Variants in CFAP47 observed in about 807,000 individuals in gnomAD.
The protein encoded by CFAP47 is cilia- and flagella-associated protein 47.
In CFAP47, 29 loss-of-function variants were observed where a neutral mutation model predicts 148.1. The ratio of observed to expected loss-of-function variants is 0.20; its 90% confidence interval spans 0.15 to 0.27. The LOEUF is 0.27. CFAP47 is among the 10% of genes least tolerant of loss of function. CFAP47 has a pLI of 1.00. For missense variants in CFAP47, 1,872 were observed against 1,697.5 expected (o/e 1.10, Z -1.81); for synonymous variants, 664 against 577.3 (o/e 1.15, Z -2.15).
chrX:36,089,674 C>T (rs1265488368), intron 30 of CFAP47, among the ~76,000 whole-genome samples: 2 of 111,336 alleles, frequency 1.8e-5, no homozygotes, highest in African/African-American at 6.5e-5. Flanking sequence ...GGTGATAATT[C>T]CATAACTAAC....
At chrX:36,197,728 G>A (rs1319252728) in intron 42 of CFAP47, among the ~76,000 whole-genome samples, 1 of 111,681 alleles carries the variant, frequency 9.0e-6, no homozygotes, top group East Asian at 2.8e-4. Flanking sequence ...AGTATTTATT[G>A]CCAGGAGTGT....
At chrX:36,147,782 C>T (rs1939256086) in intron 36 of CFAP47, among the ~76,000 whole-genome samples, 1 of 112,507 alleles carries the variant, frequency 8.9e-6, no homozygotes, top group African/African-American at 3.2e-5. Context: ...AGATTTTCAT[C>T]ATATTCCTTA....
chrX:36,016,373 T>C (rs751647885), intron 22 of CFAP47, among the ~76,000 whole-genome samples: 23 of 110,823 alleles, frequency 2.1e-4, no homozygotes, highest in Non-Finnish European at 3.4e-4. Flanking sequence ...TCATTTTCAT[T>C]TGTAGATCCC....
intron 45 of CFAP47, among the ~76,000 whole-genome samples, chrX:36,228,194 C>T (rs781787869): frequency 4.5e-5 from 5 of 111,578 alleles, no homozygotes; most frequent in Non-Finnish European, 9.4e-5. Flanking sequence ...CCTTCTATCT[C>T]AGCCCCCTTT....
At chrX:36,286,926 A>C (rs1297078473) in intron 51 of CFAP47, among the ~76,000 whole-genome samples, 2 of 111,457 alleles carry the variant, frequency 1.8e-5, no homozygotes, top group African/African-American at 6.5e-5. Flanking sequence ...GTGGTGTATA[A>C]AGTGCCTTTT....
At chrX:36,371,690 ATATACACACATGTGTATATATGTGTG>A (rs1556021538) in intron 62 of CFAP47, among the ~76,000 whole-genome samples, 3 of 73,817 alleles carry the variant, frequency 4.1e-5, no homozygotes, top group African/African-American at 1.8e-4. Flanking sequence ...ATATGTGTGT[ATATACACACATGTGTATATATGTGTG>A]TATATACACA....
intron 46 of CFAP47, among the ~76,000 whole-genome samples, chrX:36,235,405 C>T (rs782536090): frequency 7.8e-4 from 88 of 112,407 alleles, no homozygotes; most frequent in African/African-American, 2.4e-3. Flanking sequence ...ACTCCGTGGG[C>T]GTAGGACCCT....
Position 36,014,786 on chromosome X carries a change from G to T in CFAP47, c.3430G>T (p.Glu1144Ter). 1 of 294,247 alleles carries T rather than the reference G, an allele frequency of 3.4e-6. No homozygotes were observed. The highest frequency in any genetic ancestry group is 2.0e-4 in the South Asian group (1 of 4,975). 24.2% of individuals were successfully genotyped at this position (294,247 alleles called of 1,213,427 possible). Reference protein sequence around the residue: ...TFSPKEVTVVEFIIQVQINFF... With the variant: ...TFSPKEVTVV ...TTTTTTGTATCAGGTGACAGTAGTT[G>T]AATTCATCATTCAAGTTCAGATTAA... Residue 1144 changes from glutamate (E) to a stop codon, truncating the protein, a stop_gained, in exon 22 of 64, where the codon GAA (glutamate) becomes TAA (stop). Transcript: ENST00000378653. LOFTEE classifies it high-confidence loss of function.
At chrX:36,312,914 T>A (rs187370013) in intron 56 of CFAP47, among the ~76,000 whole-genome samples, 3 of 111,203 alleles carry the variant, frequency 2.7e-5, no homozygotes, top group Non-Finnish European at 1.9e-5. Context: ...TTTCTCTGTC[T>A]CCCTATCCTA....
At chrX:36,156,279 C>T (rs1241399189) in intron 37 of CFAP47, among the ~76,000 whole-genome samples, 1 of 110,212 alleles carries the variant, frequency 9.1e-6, no homozygotes, top group East Asian at 2.8e-4. Context: ...TTATGTGTGC[C>T]ACATTCTTTG....
At chrX:35,938,266 T>A (rs866974644) in intron 2 of CFAP47, among the ~76,000 whole-genome samples, 58 of 111,166 alleles carry the variant, frequency 5.2e-4, no homozygotes, top group African/African-American at 1.9e-3. Context: ...TTTTTATGCT[T>A]AGAAGTTTTT....
In CFAP47 at chrX:36,093,957, C is replaced by T. The variant is rs1045966959; in HGVS notation, c.4917-4836C>T. 6.3e-5 allele frequency among the ~76,000 whole-genome samples: 7 copies of T among 111,528 alleles called. No homozygotes were observed. In the East Asian group the frequency reaches 1.1e-3, roughly 18 times the overall value. On this transcript the variant is annotated intron_variant, in intron 30 of 63. Transcript: ENST00000378653. ...AAGAAATCTTTGCCCAGACCTGTATCGTTCAGAGTTTCTTTGAAGTTTTCT... is the reference window on the plus strand; with the variant it reads ...AAGAAATCTTTGCCCAGACCTGTATTGTTCAGAGTTTCTTTGAAGTTTTCT...
chrX:36,293,144 T>C (rs1556005849), intron 51 of CFAP47, among the ~76,000 whole-genome samples: 1 of 111,169 alleles, frequency 9.0e-6, no homozygotes, highest in East Asian at 2.8e-4. Flanking sequence ...ACCATTCTAG[T>C]GGAGTTAGAA....
At chrX:35,973,188 T>A (rs1601910168) in intron 13 of CFAP47, among the ~76,000 whole-genome samples, 1 of 111,308 alleles carries the variant, frequency 9.0e-6, no homozygotes, top group East Asian at 2.8e-4. Flanking sequence ...TTTACCCATT[T>A]ATTTATTTAT....
intron 18 of CFAP47, among the ~76,000 whole-genome samples, chrX:35,995,132 G>A (rs1180923497): frequency 1.4e-4 from 15 of 111,043 alleles, no homozygotes; most frequent in Non-Finnish European, 2.6e-4. Context: ...GGATGGAAGC[G>A]GGGTGTAAGG....
chrX:36,049,452 C>G (rs1236058719), intron 26 of CFAP47, among the ~76,000 whole-genome samples: 1 of 105,005 alleles, frequency 9.5e-6, no homozygotes, highest in Non-Finnish European at 1.9e-5. Context: ...GAGATGTTTT[C>G]TTTCTTTCTT....
At chrX:36,025,304 C>T (rs1937203637) in intron 22 of CFAP47, among the ~76,000 whole-genome samples, 2 of 110,853 alleles carry the variant, frequency 1.8e-5, no homozygotes, top group Admixed American at 1.9e-4. Context: ...TTACTCCCTC[C>T]TTGGTGTAAA....
intron 15 of CFAP47, among the ~76,000 whole-genome samples, chrX:35,976,493 T>G (rs1359565771): frequency 2.7e-5 from 3 of 111,675 alleles, no homozygotes; most frequent in African/African-American, 9.8e-5. Context: ...CTTTGTCAAT[T>G]AACTGTTTCA....
intron 21 of CFAP47, among the ~76,000 whole-genome samples, chrX:36,009,974 T>G (rs1937020892): frequency 9.0e-6 from 1 of 111,402 alleles, no homozygotes; most frequent in Non-Finnish European, 1.9e-5. Flanking sequence ...ATATTCACAT[T>G]CTTGCCTGTT....
Sources: gnomAD v4.1 joint callset for allele counts (sites outside exome capture counted in the v4.1 genomes callset) on GRCh38, gnomAD v4.1.1 for gene constraint, MANE v1.5 for transcripts, NCBI Gene and HGNC (gene_info 2026-07-23, HGNC 2026-07-21) for gene names.